TAFA5: variants seen among roughly 807,000 people sequenced by gnomAD.
TAFA5 encodes the protein TAFA chemokine like family member 5, also known as chemokine-like protein TAFA-5.
Under a neutral mutation model 15.3 loss-of-function variants are expected in TAFA5, and 6 were observed. The ratio of observed to expected loss-of-function variants is 0.39; its 90% CI spans 0.21 to 0.77. The LOEUF (loss-of-function observed/expected upper bound fraction) is 0.77. TAFA5 is among the 30% of genes least tolerant of loss of function. The pLI is 0.41. For missense variants in TAFA5, 161 were observed against 193.1 expected, an observed-to-expected ratio of 0.83 and a Z score of 0.98; for synonymous variants, 103 against 80.7, an observed-to-expected ratio of 1.28 and a Z score of -1.48.
intron 2 of TAFA5, among the ~76,000 whole-genome samples, chr22:48,680,928 C>A (rs1928163663): frequency 6.6e-6 from 1 of 152,206 alleles, no homozygotes; most frequent in South Asian, 2.1e-4. Flanking sequence ...GAGAAAAGGG[C>A]CCCCAGGCCC....
intron 1 of TAFA5, among the ~76,000 whole-genome samples, chr22:48,614,719 C>T (rs575360136): frequency 2.0e-5 from 3 of 152,344 alleles, no homozygotes; most frequent in East Asian, 1.9e-4. Context: ...CTGCTCCTGT[C>T]GCAAGCAAGT....
At chr22:48,542,610 GTGT>G (rs1310660574) in intron 1 of TAFA5, among the ~76,000 whole-genome samples, 5 of 114,022 alleles carry the variant, frequency 4.4e-5, no homozygotes, top group African/African-American at 1.7e-4. Flanking sequence ...TGTGTGTGTG[GTGT>G]GTGTGTGGTG....
chr22:48,548,922 T>C (rs1922768980), intron 1 of TAFA5, among the ~76,000 whole-genome samples: 1 of 152,260 alleles, frequency 6.6e-6, no homozygotes, highest in Non-Finnish European at 1.5e-5. Flanking sequence ...ACTCATTGTC[T>C]TTTTGGGAAT....
chr22:48,598,275 C>T lies in TAFA5; in HGVS notation c.113-48322C>T, dbSNP rs942427028. ...CTTTATTCAAAATCACCGATTCAGG[C>T]GTTACTCTCATCCAAAACACTCCTT... On this transcript the variant is annotated intron_variant, in intron 1 of 3. Transcript: ENST00000402357. This position sits in a 1 kb window ranked among gnomAD's most constrained non-coding sequence, Gnocchi z 4.0. 1.2e-4 allele frequency among the ~76,000 whole-genome samples: 19 copies of T among 152,196 alleles called. No homozygotes were observed. Among genetic ancestry groups the T allele is most frequent in the African/African-American group, 4.1e-4 (17 of 41,448 alleles).
intron 1 of TAFA5, among the ~76,000 whole-genome samples, chr22:48,508,649 G>A (rs914079588): frequency 3.3e-5 from 5 of 152,174 alleles, no homozygotes; most frequent in Non-Finnish European, 7.3e-5. Context: ...AACTGCAGTT[G>A]CCCCACAGCT....
chr22:48,645,149 G>A (rs1394802689), intron 1 of TAFA5, among the ~76,000 whole-genome samples: 1 of 152,236 alleles, frequency 6.6e-6, no homozygotes, highest in Non-Finnish European at 1.5e-5. Flanking sequence ...GGGAGCAGGT[G>A]CCCATGTGGA....
In TAFA5 at chr22:48,552,617, C is replaced by T. The variant is rs908619153; in HGVS notation, c.112+62913C>T. On this transcript the variant is annotated intron_variant, in intron 1 of 3. Coordinates refer to ENST00000402357, the MANE Select transcript of TAFA5 (RefSeq NM_001082967.3). This position sits in a 1 kb window ranked among gnomAD's most constrained non-coding sequence, Gnocchi z 4.1. ...CATCTAGAACCCCCGTCGCAGGGCT[C>T]GGAGTTGCGGGCAGGGTGGGAGACC... Among the ~76,000 whole-genome samples the T allele has an allele frequency of 5.9e-5, 9 of 152,136 alleles. No homozygotes were observed. The highest frequency in any genetic ancestry group is 1.0e-4 in the Non-Finnish European group (7 of 68,008).
In TAFA5 at chr22:48,749,803, C is replaced by T. The variant is rs1332390390; in HGVS notation, c.391-36C>T. 3 of 1,559,220 alleles carry T rather than the reference C, an allele frequency of 1.9e-6. No individual in the cohort carries two copies. In the South Asian group the frequency reaches 3.5e-5, roughly 18 times the overall value. Reference sequence around the variant, plus strand: ...TCCCTGTGGCCCTGGGCAGCGTCTGCAGGAGGCTCACCCTCTCTCTCTCTT... The same window carrying T: ...TCCCTGTGGCCCTGGGCAGCGTCTGTAGGAGGCTCACCCTCTCTCTCTCTT... On this transcript the variant is annotated intron_variant, in intron 3 of 3. Coordinates refer to ENST00000402357, the MANE Select transcript of TAFA5 (RefSeq NM_001082967.3).
rs573635504 is a variant in TAFA5 at position 48,523,812 on chromosome 22, A to G, written c.112+34108A>G. On this transcript the variant is annotated intron_variant, in intron 1 of 3. Coordinates refer to ENST00000402357, the MANE Select transcript of TAFA5 (RefSeq NM_001082967.3). Reference sequence around the variant, plus strand: ...AAATAGGCCAGGCAGACACAAGGCCAGTCTGGGTGTGGACGCAGGGTCCTC... The same window carrying G: ...AAATAGGCCAGGCAGACACAAGGCCGGTCTGGGTGTGGACGCAGGGTCCTC... Among the ~76,000 whole-genome samples the G allele has an allele frequency of 1.2e-3, 181 of 152,322 alleles. 1 individual carries two copies. In the Middle Eastern group the frequency reaches 0.014, roughly 11 times the overall value.
chr22:48,542,062 G>GGTATGTGTGTGCGT (rs1922396216), intron 1 of TAFA5, among the ~76,000 whole-genome samples: 1 of 151,238 alleles, frequency 6.6e-6, no homozygotes, highest in African/African-American at 2.4e-5. Flanking sequence ...GTGTGTGTGT[G>GGTATGTGTGTGCGT]GTGTGTGTGT....
chr22:48,603,637 C>T (rs952238380), intron 1 of TAFA5, among the ~76,000 whole-genome samples: 2 of 152,162 alleles, frequency 1.3e-5, no homozygotes, highest in African/African-American at 2.4e-5. Flanking sequence ...TGCGCTGAGC[C>T]GAAGGGCAGG....
At chr22:48,678,828 A>AACTTCTC (rs1419660682) in intron 2 of TAFA5, among the ~76,000 whole-genome samples, 1 of 149,972 alleles carries the variant, frequency 6.7e-6, no homozygotes, top group African/African-American at 2.5e-5. Flanking sequence ...GGACAGAAGA[A>AACTTCTC]ACTTCTCACA....
At position 48,742,694 on chromosome 22, in the gene TAFA5, G is replaced by T. The variant is rs1413751557; in HGVS notation, c.391-7145G>T. Among the ~76,000 whole-genome samples the T allele has an allele frequency of 1.3e-5, 2 of 152,130 alleles. No homozygotes were observed. Among genetic ancestry groups the T allele is most frequent in the Non-Finnish European group, 2.9e-5 (2 of 68,026 alleles). ...GTAGACCGGGCAGTGTGATGGACCA[G>T]GCGACGTGGTGGGCCGGGTGGTGTG... On this transcript the variant is annotated intron_variant, in intron 3 of 3. Transcript: ENST00000402357. This position sits in a 1 kb window ranked among gnomAD's most constrained non-coding sequence, Gnocchi z 6.2.
At chr22:48,741,163 C>T (rs548436451) in intron 3 of TAFA5, among the ~76,000 whole-genome samples, 7 of 152,278 alleles carry the variant, frequency 4.6e-5, no homozygotes, top group Non-Finnish European at 7.4e-5. Context: ...GTGAGGAGTC[C>T]GTGATTCCAC....
At chr22:48,611,731 C>T (rs574118136) in intron 1 of TAFA5, among the ~76,000 whole-genome samples, 3 of 152,320 alleles carry the variant, frequency 2.0e-5, no homozygotes, top group East Asian at 3.9e-4. Context: ...CTTCCACCTC[C>T]TTCCTCCTCC....
At chr22:48,717,282 C>G (rs1929429479) in intron 3 of TAFA5, among the ~76,000 whole-genome samples, 1 of 152,236 alleles carries the variant, frequency 6.6e-6, no homozygotes, top group South Asian at 2.1e-4. Flanking sequence ...GACTCCTGAC[C>G]TGGAACTCCA....
chr22:48,629,831 C>T (rs1926151347), intron 1 of TAFA5, among the ~76,000 whole-genome samples: 1 of 152,360 alleles, frequency 6.6e-6, no homozygotes, highest in East Asian at 1.9e-4. Flanking sequence ...CCCTGGATCA[C>T]AGCCCCCTGG....
chr22:48,672,358 T>G (rs1927828571), intron 2 of TAFA5, among the ~76,000 whole-genome samples: 1 of 152,192 alleles, frequency 6.6e-6, no homozygotes, highest in Non-Finnish European at 1.5e-5. Context: ...GTAGAGAAAA[T>G]TGTAGCCTAA....
intron 1 of TAFA5, among the ~76,000 whole-genome samples, chr22:48,586,999 C>G (rs1416586198): frequency 6.6e-6 from 1 of 152,248 alleles, no homozygotes; most frequent in Non-Finnish European, 1.5e-5. Flanking sequence ...AGAACCGGGC[C>G]TCCACCGACC....
Sources: allele counts gnomAD v4.1 joint callset (sites outside exome capture counted in the v4.1 genomes callset), GRCh38; gene constraint gnomAD v4.1.1; non-coding constraint Gnocchi (gnomAD v3.1); transcripts MANE v1.5; gene names NCBI Gene and HGNC (gene_info 2026-07-23, HGNC 2026-07-21).